The following ADRA1A variants were observed in gnomAD, a reference collection of about 807,000 sequenced individuals.
ADRA1A encodes the protein adrenoceptor alpha 1A.
Under a neutral mutation model 29.6 loss-of-function variants are expected in ADRA1A, and 31 were observed. The observed-to-expected ratio is 1.05, with a 90% CI of 0.79 to 1.41. The LOEUF (loss-of-function observed/expected upper bound fraction) is 1.41, where lower values mean the gene tolerates loss of function less well. Among genes scored for constraint, ADRA1A ranks in the 40% most tolerant of loss-of-function variants. The pLI, the probability that ADRA1A is intolerant of heterozygous loss-of-function variation, is 0.00. For synonymous variants in ADRA1A, 311 were observed against 254.3 expected (o/e 1.22, Z -2.12); for missense variants, 619 against 601.1 (o/e 1.03, Z -0.31).
rs1806018389 is a variant in ADRA1A at position 26,770,033 on chromosome 8, C to T, written c.*116G>A. On this transcript the variant is annotated 3_prime_UTR_variant, in exon 3 of 3. Coordinates refer to ENST00000380573, the MANE Select transcript of ADRA1A (RefSeq NM_000680.4). The stretch of plus-strand genomic sequence containing the variant: ...TTGGGTCTACCACCCACCCCATTCC[C>T]AGCAGGTCCCCTCTTTGATTGGTCC... 6.8e-6 allele frequency: 10 copies of T among 1,481,246 alleles called. No individual in the cohort carries two copies. The highest frequency in any genetic ancestry group is 7.1e-6 in the Non-Finnish European group (8 of 1,118,968). 91.8% of individuals were successfully genotyped at this position (1,481,246 alleles called of 1,614,324 possible).
Position 26,860,320 on chromosome 8 carries a change from C to T in ADRA1A, c.883+3767G>A, listed in dbSNP as rs757664494. ...CAGGCCACCCATCGTCACCTGGGCT[C>T]CTTCTACAACCTGGCTGTGGATGCT... On this transcript the variant is annotated intron_variant, in intron 2 of 2. Transcript: ENST00000380573. This position sits in a 1 kb window ranked among gnomAD's most constrained non-coding sequence, Gnocchi z 4.7. Among the ~76,000 whole-genome samples, 2 of 152,158 alleles carry T rather than the reference C, an allele frequency of 1.3e-5. No individual in the cohort carries two copies. Among genetic ancestry groups the T allele is most frequent in the African/African-American group, 4.8e-5 (2 of 41,420 alleles).
chr8:26,770,258 T>C lies in ADRA1A; in HGVS notation c.1292A>G (p.Gln431Arg), dbSNP rs1377173003. 4 of 1,614,072 alleles carry C rather than the reference T, an allele frequency of 2.5e-6. No individual in the cohort carries two copies. In the South Asian group the frequency reaches 4.4e-5, roughly 18 times the overall value. ...TARVRSKSFL[Q>R]VCCCVGPSTP... Reference sequence around the variant, plus strand: ...TGAGGGCCCTACACAGCAGCAGACCTGCAAAAAGCTTTTACTTCTCACCCG... The same window carrying C: ...TGAGGGCCCTACACAGCAGCAGACCCGCAAAAAGCTTTTACTTCTCACCCG... Residue 431 changes from glutamine (Q) to arginine (R), a missense_variant, in exon 3 of 3, where the codon CAG becomes CGG. Transcript: ENST00000380573.
At chr8:26,830,886 CA>C (rs1216367316) in intron 2 of ADRA1A, among the ~76,000 whole-genome samples, 3 of 152,146 alleles carry the variant, frequency 2.0e-5, no homozygotes. Context: ...AGGTTAGGGT[CA>C]TTGCGGGCGG....
chr8:26,759,192 A>G (rs1272407744), intron 2 of ADRA1A, among the ~76,000 whole-genome samples: 1 of 152,194 alleles, frequency 6.6e-6, no homozygotes, highest in Non-Finnish European at 1.5e-5. Flanking sequence ...TTCAGCTTTA[A>G]ATACTGAGGC....
chr8:26,798,054 C>T (rs984971940), intron 2 of ADRA1A, among the ~76,000 whole-genome samples: 1 of 151,930 alleles, frequency 6.6e-6, no homozygotes, highest in Non-Finnish European at 1.5e-5. Context: ...TCTCTGCTCA[C>T]TGCAACCTCC....
chr8:26,846,528 G>A (rs1455468917), intron 2 of ADRA1A, among the ~76,000 whole-genome samples: 1 of 152,178 alleles, frequency 6.6e-6, no homozygotes, highest in Non-Finnish European at 1.5e-5. Context: ...TAGCACTTTG[G>A]GAGGCCGAGG....
At chr8:26,838,821 G>C (rs1455341900) in intron 2 of ADRA1A, among the ~76,000 whole-genome samples, 1 of 152,218 alleles carries the variant, frequency 6.6e-6, no homozygotes, top group Admixed American at 6.5e-5. Flanking sequence ...CCTGGACACA[G>C]AGGAAAGGCC....
At chr8:26,802,014 A>C (rs994277349) in intron 2 of ADRA1A, among the ~76,000 whole-genome samples, 4 of 152,338 alleles carry the variant, frequency 2.6e-5, no homozygotes, top group African/African-American at 9.6e-5. Context: ...TCGTCAGTGA[A>C]TGGTGCTGGG....
At chr8:26,755,760 A>G (rs556303498), downstream of ADRA1A, among the ~76,000 whole-genome samples, 27 of 152,266 alleles carry the variant, frequency 1.8e-4, no homozygotes, top group East Asian at 3.1e-3. Flanking sequence ...TGCCCTTGTT[A>G]TTCTCCACCC....
rs1010397503 is a variant in ADRA1A at position 26,796,084 on chromosome 8, A to G, written c.884-25418T>C. Among the ~76,000 whole-genome samples, 2 of 152,200 alleles carry G rather than the reference A, an allele frequency of 1.3e-5. No homozygotes were observed. Among genetic ancestry groups the G allele is most frequent in the African/African-American group, 2.4e-5 (1 of 41,474 alleles). On this transcript the variant is annotated intron_variant, in intron 2 of 2. Coordinates refer to ENST00000380573, the MANE Select transcript of ADRA1A (RefSeq NM_000680.4). This position sits in a 1 kb window ranked among gnomAD's most constrained non-coding sequence, Gnocchi z 5.0. The stretch of plus-strand genomic sequence containing the variant: ...ACATTTCAAAAAAAGAGTAATGTTT[A>G]GAAGTAAATAGTAAAATATTTACAG...
At chr8:26,847,110 C>T (rs1355283436) in intron 2 of ADRA1A, among the ~76,000 whole-genome samples, 2 of 152,012 alleles carry the variant, frequency 1.3e-5, no homozygotes, top group East Asian at 1.9e-4. Flanking sequence ...GGGAGATATA[C>T]CTAATGCTAG....
chr8:26,849,868 G>A (rs1376499928), intron 2 of ADRA1A, among the ~76,000 whole-genome samples: 7 of 152,012 alleles, frequency 4.6e-5, no homozygotes, highest in East Asian at 1.9e-4. Context: ...AGGGGGTGAC[G>A]AAGATGGACA....
intron 2 of ADRA1A, among the ~76,000 whole-genome samples, chr8:26,818,202 G>T (rs1433417068): frequency 6.6e-6 from 1 of 152,182 alleles, no homozygotes; most frequent in African/African-American, 2.4e-5. Context: ...ACAGACATGA[G>T]AAAATTTCTG....
rs1807457410 is a variant in ADRA1A, at chr8:26,787,189, G to C, written c.884-16523C>G. On this transcript the variant is annotated intron_variant, in intron 2 of 2. Transcript: ENST00000380573. The surrounding 1 kb of genome is among the most constrained non-coding windows in gnomAD (Gnocchi z 4.2). The stretch of plus-strand genomic sequence containing the variant: ...CTGCGAATCTGTCACTGCTTTGCTG[G>C]CTTTATAGTGAAAATAGTGCACAGA... Among the ~76,000 whole-genome samples, 1 of 152,108 alleles carries C rather than the reference G, an allele frequency of 6.6e-6. No individual in the cohort carries two copies. Among genetic ancestry groups the C allele is most frequent in the Non-Finnish European group, 1.5e-5 (1 of 68,014 alleles).
intron 2 of ADRA1A, among the ~76,000 whole-genome samples, chr8:26,819,430 TAATA>T (rs149577002): frequency 0.024 from 3,647 of 152,176 alleles, 85 homozygotes; most frequent in African/African-American, 0.053. Context: ...CTACAATAAT[TAATA>T]AATAAACAAT....
chr8:26,844,731 C>T (rs1335165291), intron 2 of ADRA1A, among the ~76,000 whole-genome samples: 2 of 152,086 alleles, frequency 1.3e-5, no homozygotes, highest in African/African-American at 2.4e-5. Flanking sequence ...AAAATTAACT[C>T]AAAATGGATC....
At chr8:26,850,958 C>A (rs1269122111) in intron 2 of ADRA1A, among the ~76,000 whole-genome samples, 1 of 152,180 alleles carries the variant, frequency 6.6e-6, no homozygotes, top group African/African-American at 2.4e-5. Context: ...CAGGGCATGG[C>A]CAACCTAGCT....
At chr8:26,798,677 C>T (rs1345078992) in intron 2 of ADRA1A, among the ~76,000 whole-genome samples, 2 of 152,144 alleles carry the variant, frequency 1.3e-5, no homozygotes, top group African/African-American at 4.8e-5. Flanking sequence ...GAAAAAGACA[C>T]AAAGTTTAGA....
Position 26,786,055 on chromosome 8 carries a change from T to C in ADRA1A, c.884-15389A>G, listed in dbSNP as rs114147537. 4.0e-3 allele frequency among the ~76,000 whole-genome samples: 616 copies of C among 152,180 alleles called. 2 individuals are homozygous for C. Among genetic ancestry groups the C allele is most frequent in the African/African-American group, 0.014 (591 of 41,510 alleles). On this transcript the variant is annotated intron_variant, in intron 2 of 2. Coordinates refer to ENST00000380573, the MANE Select transcript of ADRA1A (RefSeq NM_000680.4). Reference sequence around the variant, plus strand: ...TGACCTTTATGGAATACAACTCTAATTCGGTGACATTTCCACTTAAAGGCC... The same window carrying C: ...TGACCTTTATGGAATACAACTCTAACTCGGTGACATTTCCACTTAAAGGCC...
Sources: gnomAD v4.1 joint callset for allele counts (sites outside exome capture counted in the v4.1 genomes callset) on GRCh38, gnomAD v4.1.1 for gene constraint, Gnocchi (gnomAD v3.1) non-coding constraint, MANE v1.5 for transcripts, NCBI Gene and HGNC (gene_info 2026-07-23, HGNC 2026-07-21) for gene names.